Variants in ASB14 observed in about 807,000 individuals in gnomAD.
The protein encoded by ASB14 is ankyrin repeat and SOCS box containing 14.
Under a neutral mutation model 55.6 loss-of-function variants are expected in ASB14, and 63 were observed. The ratio of observed to expected loss-of-function variants is 1.13; its 90% confidence interval spans 0.92 to 1.40. The LOEUF (loss-of-function observed/expected upper bound fraction) is 1.40, where lower values mean the gene tolerates loss of function less well. Among genes scored for constraint, ASB14 ranks in the 40% most tolerant of loss-of-function variants. The pLI, the probability that ASB14 is intolerant of heterozygous loss-of-function variation, is 0.00. For synonymous variants in ASB14, 256 were observed against 259.9 expected, an observed-to-expected ratio of 0.98 and a Z score of 0.15; for missense variants, 724 against 710.4, an observed-to-expected ratio of 1.02 and a Z score of -0.22.
rs769076047 is a variant in ASB14 at position 57,276,677 on chromosome 3, A to C, written c.1637T>G (p.Met546Arg). 1 of 1,614,134 alleles carries C rather than the reference A, an allele frequency of 6.2e-7. No individual in the cohort carries two copies. The highest frequency in any genetic ancestry group is 1.1e-5 in the South Asian group (1 of 91,072). ...AGGGCAGCGCAAATGTAACCGTCCC[A>C]TGCATTTCCGGATCTTTAGGCGGCA... The part of the protein sequence containing the change: ...HLCRLKIRKC[M>R]GRLHLRCPVF... The change falls in exon 10 of 11, where the codon ATG becomes AGG. Residue 546 changes from methionine to arginine, a missense_variant. Physicochemically the swap from Met to Arg is moderately conservative, Grantham distance 91. Coordinates refer to ENST00000487349, the MANE Select transcript of ASB14 (RefSeq NM_001142733.3).
intron 2 of ASB14, among the ~76,000 whole-genome samples, chr3:57,289,755 C>T (rs1325234132): frequency 7.8e-6 from 1 of 128,848 alleles, no homozygotes; most frequent in East Asian, 2.9e-4. Context: ...TGCAGTGGTG[C>T]GATCTCAGCT....
intron 10 of ASB14, 119 bp from the exon 11 acceptor site, chr3:57,269,737 G>C: frequency 6.3e-7 from 1 of 1,584,332 alleles, no homozygotes; most frequent in Middle Eastern, 1.7e-4. Flanking sequence ...AGTTTCTATG[G>C]TGAAATGGCA....
In ASB14 at chr3:57,291,918, T is replaced by C. The variant is rs769875167; in HGVS notation, c.116A>G (p.Asp39Gly). ...KPGTAQHAPK[D>G]ESLHSFLSAD... is the part of the protein sequence containing the mutation. ...CCGATGAGAAAACCATTACCTCTCA[T>C]CCTTAGGTGCATGTTGTGCTGTTCC... is the stretch of plus-strand genomic sequence containing the variant. The change falls in exon 2 of 11, where the codon GAT (aspartate) becomes GGT (glycine). Residue 39 changes from aspartate to glycine, a missense_variant. Physicochemically the swap from Asp to Gly is moderately conservative, Grantham distance 94. Transcript: ENST00000487349. 1.4e-5 allele frequency: 22 copies of C among 1,534,086 alleles called. No homozygotes were observed. The African/African-American group carries it at 2.9e-4, about 20-fold the overall frequency.
chr3:57,289,894 G>A lies in ASB14; in HGVS notation c.123-771C>T, dbSNP rs141902447. On this transcript the variant is annotated intron_variant, in intron 2 of 10. Coordinates refer to ENST00000487349, the MANE Select transcript of ASB14 (RefSeq NM_001142733.3). ...GATCTCCTGACCTCGTGATCTGCTC[G>A]CCTCGGCCTCCCAAAGTGCGGGGAT... Among the ~76,000 whole-genome samples, 186 of 151,762 alleles carry A rather than the reference G, an allele frequency of 1.2e-3. 1 individual carries two copies. Among genetic ancestry groups the A allele is most frequent in the African/African-American group, 4.3e-3 (179 of 41,384 alleles).
chr3:57,292,180 G>A (rs2061137807), intron 1 of ASB14, 76 bp from the exon 2 acceptor site: 1 of 996,126 alleles, frequency 1.0e-6, no homozygotes, highest in African/African-American at 1.7e-5. Flanking sequence ...ACAAAATTTA[G>A]GAAACAAAAT....
rs991257780 is a variant in ASB14, at chr3:57,274,755, C to T, written c.*22+1773G>A. On this transcript the variant is annotated intron_variant, in intron 10 of 10. Transcript: ENST00000487349. ...AATAAAAATTTAACGTAACTGCCAT[C>T]GGTGAGCCTCTTCATGTCCATTATC... Among the ~76,000 whole-genome samples the T allele has an allele frequency of 3.3e-5, 5 of 152,102 alleles. No homozygotes were observed. The East Asian group carries it at 9.6e-4, about 29-fold the overall frequency.
chr3:57,272,942 C>G (rs2060954631), intron 10 of ASB14: 1 of 152,456 alleles, frequency 6.6e-6, no homozygotes, highest in South Asian at 2.1e-4. Context: ...AGCCTCTTAG[C>G]ATTCAGATTG....
chr3:57,289,498 A>C (rs775566231), intron 2 of ASB14, among the ~76,000 whole-genome samples: 7 of 152,152 alleles, frequency 4.6e-5, no homozygotes, highest in Admixed American at 6.5e-5. Flanking sequence ...AATGTCAACG[A>C]TTCTAGCAGA....
At chr3:57,287,440 A>T (rs187066480) in intron 5 of ASB14, among the ~76,000 whole-genome samples, 1 of 152,262 alleles carries the variant, frequency 6.6e-6, no homozygotes, top group Non-Finnish European at 1.5e-5. Context: ...TTTTCAATCT[A>T]GTACTCCACC....
At chr3:57,280,616 A>G in intron 6 of ASB14, 143 bp from the exon 7 acceptor site, 2 of 618,438 alleles carry the variant, frequency 3.2e-6, no homozygotes, top group South Asian at 3.2e-5. Context: ...GTAACAGAAT[A>G]TATACCTCCT....
chr3:57,276,277 CT>C (rs1227968290), intron 10 of ASB14, among the ~76,000 whole-genome samples: 3 of 142,052 alleles, frequency 2.1e-5, no homozygotes, highest in South Asian at 2.3e-4. Context: ...TTCAAAGCTA[CT>C]TTAAAAAATT....
chr3:57,285,780 G>A (rs2061076710), intron 5 of ASB14, among the ~76,000 whole-genome samples: 1 of 151,940 alleles, frequency 6.6e-6, no homozygotes. Context: ...CTCTACCTGG[G>A]GCCTCCTGAC....
chr3:57,292,286 A>G (rs1257895881), intron 1 of ASB14, among the ~76,000 whole-genome samples, 182 bp from the exon 2 acceptor site: 1 of 152,230 alleles, frequency 6.6e-6, no homozygotes, highest in East Asian at 1.9e-4. Context: ...ATTGACTTAA[A>G]GCTTATTCAG....
chr3:57,275,524 C>CT (rs1347413468), intron 10 of ASB14, among the ~76,000 whole-genome samples: 1 of 151,680 alleles, frequency 6.6e-6, no homozygotes, highest in African/African-American at 2.4e-5. Flanking sequence ...AATTGCACAC[C>CT]ATTCTGAGTA....
At chr3:57,286,453 G>T (rs911138749) in intron 5 of ASB14, among the ~76,000 whole-genome samples, 1 of 140,512 alleles carries the variant, frequency 7.1e-6, no homozygotes, top group Non-Finnish European at 1.6e-5. Flanking sequence ...TCTAATAATT[G>T]GCTTTTCTGC....
At chr3:57,280,193 T>G in intron 7 of ASB14, 109 bp downstream of exon 7, 4 of 664,400 alleles carry the variant, frequency 6.0e-6, no homozygotes, top group Non-Finnish European at 8.9e-6. Flanking sequence ...AAAAGTATGT[T>G]TAGATTGTGG....
chr3:57,276,410 CA>C, intron 10 of ASB14, 117 bp downstream of exon 10: 1 of 720,890 alleles, frequency 1.4e-6, no homozygotes, highest in Non-Finnish European at 2.2e-6. Flanking sequence ...CTCAGCCTCC[CA>C]AGCAGAGCTA....
At chr3:57,280,515 C>T in intron 6 of ASB14, 42 bp from the exon 7 acceptor site, 3 of 1,505,366 alleles carry the variant, frequency 2.0e-6, no homozygotes, top group Non-Finnish European at 2.7e-6. Flanking sequence ...AATTATTTTC[C>T]ACTGTATTTC....
intron 10 of ASB14, among the ~76,000 whole-genome samples, chr3:57,275,012 T>G (rs1025794164): frequency 2.0e-5 from 3 of 152,316 alleles, no homozygotes; most frequent in South Asian, 4.1e-4. Flanking sequence ...GACACTAAGC[T>G]GGTATTGGGA....
Sources: allele counts gnomAD v4.1 joint callset (sites outside exome capture counted in the v4.1 genomes callset), GRCh38; gene constraint gnomAD v4.1.1; transcripts MANE v1.5; gene names NCBI Gene and HGNC (gene_info 2026-07-23, HGNC 2026-07-21).